Variants in EP300 observed in about 807,000 individuals in gnomAD.
The protein encoded by EP300 is EP300 lysine acetyltransferase.
Under a neutral mutation model 264.0 loss-of-function variants are expected in EP300, and 31 were observed. The ratio of observed to expected loss-of-function variants is 0.12; its 90% confidence interval spans 0.09 to 0.16. The LOEUF is 0.16. Ranked by LOEUF, EP300 falls within the 10% of genes least tolerant of loss-of-function variation. EP300 has a pLI of 1.00. For missense variants in EP300, 2,766 were observed against 3,052.9 expected, an observed-to-expected ratio of 0.91 and a Z score of 2.21; for synonymous variants, 1,340 against 1,045.4, an observed-to-expected ratio of 1.28 and a Z score of -5.44.
At chr22:41,128,004 A>G (rs551983096) in intron 4 of EP300, among the ~76,000 whole-genome samples, 50 of 152,328 alleles carry the variant, frequency 3.3e-4, no homozygotes, top group African/African-American at 1.2e-3. Context: ...CCTGGACAAC[A>G]TAGCAAGACC....
At chr22:41,129,529 G>T (rs1319912919) in intron 4 of EP300, among the ~76,000 whole-genome samples, 3 of 152,140 alleles carry the variant, frequency 2.0e-5, no homozygotes, top group Non-Finnish European at 4.4e-5. Flanking sequence ...AATACAATTT[G>T]TATGAAGTCA....
chr22:41,170,729 T>C (rs1356907327), intron 27 of EP300, among the ~76,000 whole-genome samples, 158 bp downstream of exon 27: 3 of 150,598 alleles, frequency 2.0e-5, no homozygotes, highest in African/African-American at 7.4e-5. Flanking sequence ...TGACACGATT[T>C]TGGCTCACTT....
In EP300 at chr22:41,137,664, G is replaced by C. The variant is rs547550163; in HGVS notation, c.1634G>C (p.Ser545Thr). 1.5e-5 allele frequency: 25 copies of C among 1,614,008 alleles called. No homozygotes were observed. The East Asian group carries it at 5.6e-4, about 36-fold the overall frequency. Residue 545 changes from serine to threonine, a missense_variant, in exon 8 of 31, where the codon AGT becomes ACT. Coordinates refer to ENST00000263253, the MANE Select transcript of EP300 (RefSeq NM_001429.4). ...SAINSQNPMM[S>T]ENASVPSLGP... ...ACCCCTTTTTGAAGCCCAATGATGA[G>C]TGAAAATGCCAGTGTGCCCTCCCTG...
Position 41,179,884 on chromosome 22 carries a change from A to T in EP300, c.*928A>T, listed in dbSNP as rs142198417. The T allele has an allele frequency of 4.1e-3, 91 of 22,034 alleles. 4 individuals are homozygous for T. The highest frequency in any genetic ancestry group is 0.016 in the Admixed American group (20 of 1,236). 1.4% of individuals were successfully genotyped at this position (22,034 alleles called of 1,614,324 possible). The stretch of plus-strand genomic sequence containing the variant: ...CCTCCTTACCCTACCCCCCACTCAC[A>T]CACACACACACACACACACACACAC... On this transcript the variant is annotated 3_prime_UTR_variant, in exon 31 of 31. Coordinates refer to ENST00000263253, the MANE Select transcript of EP300 (RefSeq NM_001429.4).
Position 41,173,301 on chromosome 22 carries a change from C to CTTCA in EP300, c.4618-321_4618-318dup, listed in dbSNP as rs562248924. On this transcript the variant is annotated intron_variant, in intron 28 of 30. Coordinates refer to ENST00000263253, the MANE Select transcript of EP300 (RefSeq NM_001429.4). ...TTCTGGCTCCCCACTTTGATACACT[C>CTTCA]TTCACTACCCCAAAGTGCCACCCCT... 1.2e-4 allele frequency among the ~76,000 whole-genome samples: 18 copies of CTTCA among 152,332 alleles called. 1 individual carries two copies. In the South Asian group the frequency reaches 3.5e-3, roughly 30 times the overall value.
intron 2 of EP300, among the ~76,000 whole-genome samples, chr22:41,121,729 G>A (rs2058853060): frequency 6.6e-6 from 1 of 152,080 alleles, no homozygotes; most frequent in South Asian, 2.1e-4. Context: ...GATTGTTTGG[G>A]GAAATATTTG....
intron 30 of EP300, 29 bp from the exon 31 acceptor site, chr22:41,176,744 T>C (rs771190231): frequency 6.2e-7 from 1 of 1,613,602 alleles, no homozygotes; most frequent in Non-Finnish European, 8.5e-7. Context: ...TCTTGGAGAG[T>C]TTACGTGCAC....
Position 41,094,812 on chromosome 22 carries a change from C to T in EP300, c.94+1714C>T, listed in dbSNP as rs185163667. ...CCAGTGACTTGGAACGTAGGGGAAACTTTTTTGTGTACTTTGAGTAGTCCT... is the reference window on the plus strand; with the variant it reads ...CCAGTGACTTGGAACGTAGGGGAAATTTTTTTGTGTACTTTGAGTAGTCCT... On this transcript the variant is annotated intron_variant, in intron 1 of 30. Coordinates refer to ENST00000263253, the MANE Select transcript of EP300 (RefSeq NM_001429.4). Among the ~76,000 whole-genome samples the T allele has an allele frequency of 8.7e-4, 133 of 152,178 alleles. 2 individuals carry two copies. Among genetic ancestry groups the T allele is most frequent in the Admixed American group, 8.6e-3 (132 of 15,278 alleles).
chr22:41,168,062 T>G (rs1307609757), intron 23 of EP300, among the ~76,000 whole-genome samples: 4 of 151,804 alleles, frequency 2.6e-5, no homozygotes, highest in Non-Finnish European at 5.9e-5. Context: ...CCTCAGGTGA[T>G]GCGCCCACCT....
In EP300 at chr22:41,178,148, C is replaced by T. The variant is rs745528077; in HGVS notation, c.6437C>T (p.Pro2146Leu). The T allele has an allele frequency of 6.2e-7, 1 of 1,614,138 alleles. No individual in the cohort carries two copies. Among genetic ancestry groups the T allele is most frequent in the Non-Finnish European group, 8.5e-7 (1 of 1,180,020 alleles). Residue 2146 changes from proline to leucine, a missense_variant, in exon 31 of 31, where the codon CCC becomes CTC. Physicochemically the swap from Pro to Leu is moderately conservative, Grantham distance 98. Coordinates refer to ENST00000263253, the MANE Select transcript of EP300 (RefSeq NM_001429.4). ...GCGGGCGTTCAGAGGGCTGGCCTGCCCCAGCAGCAACCACAGCAGCAACTC... is the reference window on the plus strand; with the variant it reads ...GCGGGCGTTCAGAGGGCTGGCCTGCTCCAGCAGCAACCACAGCAGCAACTC... ...MQAGVQRAGLPQQQPQQQLQP... is the reference protein window; with the variant it reads ...MQAGVQRAGLLQQQPQQQLQP...
chr22:41,094,147 G>GT (rs1179779765), intron 1 of EP300, among the ~76,000 whole-genome samples: 1 of 152,142 alleles, frequency 6.6e-6, no homozygotes, highest in Non-Finnish European at 1.5e-5. Flanking sequence ...ATCCTGATGG[G>GT]TAAGGACCTT....
chr22:41,114,405 G>A (rs541503786), intron 1 of EP300, among the ~76,000 whole-genome samples: 1 of 152,214 alleles, frequency 6.6e-6, no homozygotes, highest in African/African-American at 2.4e-5. Context: ...CTGGTCTGCT[G>A]AGCTCGAGCC....
intron 1 of EP300, among the ~76,000 whole-genome samples, chr22:41,111,875 CCTTTTTTT>C (rs1315453048): frequency 9.4e-4 from 108 of 114,610 alleles, no homozygotes; most frequent in African/African-American, 3.1e-3. Flanking sequence ...GAACTTGTAA[CCTTTTTTT>C]TTTTTTTTTT....
rs753914529 is a variant in EP300 at position 41,178,038 on chromosome 22, G to A, written c.6327G>A (p.Gly2109=). 1 of 1,614,112 alleles carries A rather than the reference G, an allele frequency of 6.2e-7. No individual in the cohort carries two copies. The highest frequency in any genetic ancestry group is 1.3e-5 in the African/African-American group (1 of 75,028). Residue 2109 remains glycine, a synonymous_variant, in exon 31 of 31, where the codon GGG becomes GGA. Coordinates refer to ENST00000263253, the MANE Select transcript of EP300 (RefSeq NM_001429.4). ...PIPGQPGMPQ[G]QPGLQPPTMP... is the part of the protein sequence containing the mutation. ...CTGGGCAGCCTGGCATGCCCCAGGG[G>A]CAGCCAGGGCTACAGCCACCTACCA...
At chr22:41,108,310 G>A (rs913194501) in intron 1 of EP300, among the ~76,000 whole-genome samples, 3 of 144,310 alleles carry the variant, frequency 2.1e-5, no homozygotes, top group African/African-American at 5.2e-5. Flanking sequence ...GTGCAGTGGC[G>A]TGATCATGGC....
rs2058826373 is a variant in EP300 at position 41,117,243 on chromosome 22, A to C, written c.151A>C (p.Thr51Pro). 6.2e-7 allele frequency: 1 copy of C among 1,614,088 alleles called. No individual in the cohort carries two copies. The highest frequency in any genetic ancestry group is 1.3e-5 in the African/African-American group (1 of 74,920). ...CTTACCAGATGAATTAATCAACTCT[A>C]CAGAATTGGGACTAACCAATGGTGG... ...HDLPDELINS[T>P]ELGLTNGGDI... The change falls in exon 2 of 31, where the codon ACA becomes CCA. Residue 51 changes from threonine to proline, a missense_variant. Thr to Pro is a conservative substitution (Grantham distance 38). Transcript: ENST00000263253.
chr22:41,125,204 C>T (rs1338445366), intron 2 of EP300, among the ~76,000 whole-genome samples: 1 of 150,174 alleles, frequency 6.7e-6, no homozygotes, highest in African/African-American at 2.5e-5. Context: ...CTGCAAGCTC[C>T]GCCTCCCGGG....
intron 26 of EP300, among the ~76,000 whole-genome samples, chr22:41,170,008 C>G (rs1012369304): frequency 4.6e-5 from 7 of 152,192 alleles, no homozygotes; most frequent in Non-Finnish European, 8.8e-5. Flanking sequence ...AACATTCACT[C>G]CCTCATCTTG....
In EP300 at chr22:41,141,143, A is replaced by G. The variant is rs751369193; in HGVS notation, c.1974A>G (p.Leu658=). 1.2e-6 allele frequency: 2 copies of G among 1,614,218 alleles called. No homozygotes were observed. Among genetic ancestry groups the G allele is most frequent in the Non-Finnish European group, 1.7e-6 (2 of 1,180,026 alleles). ...RRTRLQKQNM[L]PNAAGMVPVS... is the part of the protein sequence containing the mutation. ...CCAGACTACAGAAGCAGAACATGCT[A>G]CCAAATGCTGCAGGCATGGTTCCAG... Residue 658 remains leucine, a synonymous_variant, in exon 10 of 31, where the codon CTA becomes CTG. Transcript: ENST00000263253.
Sources: allele counts gnomAD v4.1 joint callset (sites outside exome capture counted in the v4.1 genomes callset), GRCh38; gene constraint gnomAD v4.1.1; transcripts MANE v1.5; gene names NCBI Gene and HGNC (gene_info 2026-07-23, HGNC 2026-07-21).